The following SV2B variants were observed in gnomAD, a reference collection of about 807,000 sequenced individuals.
SV2B encodes solute carrier family 22 member B2.
A neutral mutation model predicts 73.9 loss-of-function variants in SV2B; 41 were observed. That is an observed-to-expected ratio of 0.56 (90% confidence interval 0.43 to 0.72). The LOEUF (loss-of-function observed/expected upper bound fraction) is 0.72, where lower values mean the gene tolerates loss of function less well. SV2B is among the 30% of genes least tolerant of loss of function. The pLI is 0.00. For synonymous variants in SV2B, 314 were observed against 314.2 expected (o/e 1.00, Z 0.01); for missense variants, 764 against 857.8 (o/e 0.89, Z 1.37).
intron 1 of SV2B, among the ~76,000 whole-genome samples, chr15:91,158,095 G>T (rs1180955137): frequency 6.6e-6 from 1 of 152,176 alleles, no homozygotes; most frequent in Non-Finnish European, 1.5e-5. Flanking sequence ...TTTGGATATG[G>T]TTCGTTGGTC....
chr15:91,212,720 G>A (rs1466685712), intron 1 of SV2B, among the ~76,000 whole-genome samples: 1 of 152,102 alleles, frequency 6.6e-6, no homozygotes, highest in Non-Finnish European at 1.5e-5. Context: ...TTGGGAGGCC[G>A]AGGTAGGAGA....
rs2048940458 is a variant in SV2B at position 91,288,636 on chromosome 15, T to TCTTC, written c.1709-882_1709-881insCCTT. On this transcript the variant is annotated intron_variant, in intron 11 of 12. Coordinates refer to ENST00000394232, the MANE Select transcript of SV2B (RefSeq NM_001323032.3). The surrounding 1 kb of genome is among the most constrained non-coding windows in gnomAD (Gnocchi z 5.8). The stretch of plus-strand genomic sequence containing the variant: ...CCTTCCTCTCTCTCTCTTTCTCTCT[T>TCTTC]CTTTCTTTCTCTCTCTCTCTCTCCT... 6.6e-6 allele frequency among the ~76,000 whole-genome samples: 1 copy of TCTTC among 151,874 alleles called. No homozygotes were observed. The highest frequency in any genetic ancestry group is 2.4e-5 in the African/African-American group (1 of 41,376).
At chr15:91,184,390 A>G (rs182163617) in intron 1 of SV2B, among the ~76,000 whole-genome samples, 4 of 152,318 alleles carry the variant, frequency 2.6e-5, no homozygotes, top group Non-Finnish European at 5.9e-5. Context: ...AATGTTATCT[A>G]TCAATACCTT....
intron 2 of SV2B, among the ~76,000 whole-genome samples, chr15:91,249,059 T>A (rs2047370116): frequency 9.1e-6 from 1 of 109,418 alleles, no homozygotes; most frequent in African/African-American, 3.6e-5. Flanking sequence ...CATCCATACA[T>A]CTACGTTTTC....
At chr15:91,178,635 C>T (rs2044421971) in intron 1 of SV2B, among the ~76,000 whole-genome samples, 2 of 151,712 alleles carry the variant, frequency 1.3e-5, no homozygotes, top group African/African-American at 2.4e-5. Context: ...GTGTGTGTGT[C>T]GAGAAATTTA....
At chr15:91,181,723 C>T (rs758757666) in intron 1 of SV2B, among the ~76,000 whole-genome samples, 4 of 151,842 alleles carry the variant, frequency 2.6e-5, no homozygotes, top group Non-Finnish European at 2.9e-5. Flanking sequence ...TGACAACCAT[C>T]ATGAGGCTGT....
intron 1 of SV2B, among the ~76,000 whole-genome samples, chr15:91,188,148 G>T (rs550383505): frequency 6.6e-6 from 1 of 151,868 alleles, no homozygotes; most frequent in South Asian, 2.1e-4. Context: ...TATACCAAGA[G>T]GTATAACTGG....
chr15:91,183,525 C>T (rs1374746621), intron 1 of SV2B, among the ~76,000 whole-genome samples: 1 of 152,180 alleles, frequency 6.6e-6, no homozygotes. Context: ...TGAGTCCAAA[C>T]TTTGAGACCT....
intron 1 of SV2B, among the ~76,000 whole-genome samples, chr15:91,222,118 G>A (rs954422118): frequency 7.2e-5 from 11 of 152,048 alleles, no homozygotes; most frequent in Non-Finnish European, 1.3e-4. Context: ...GCCTTTGGAC[G>A]TCCCCACTAC....
chr15:91,258,823 G>A lies in SV2B; in HGVS notation c.918+269G>A, dbSNP rs1262054040. Among the ~76,000 whole-genome samples the A allele has an allele frequency of 6.6e-6, 1 of 151,976 alleles. No homozygotes were observed. Among genetic ancestry groups the A allele is most frequent in the African/African-American group, 2.4e-5 (1 of 41,364 alleles). On this transcript the variant is annotated intron_variant, in intron 5 of 12. Coordinates refer to ENST00000394232, the MANE Select transcript of SV2B (RefSeq NM_001323032.3). The surrounding 1 kb of genome is among the most constrained non-coding windows in gnomAD (Gnocchi z 4.7). Reference sequence around the variant, plus strand: ...CTCTTTCCCAAGGCTGTGCAGTGGTGGAAGGGCAGCTCCTGAGCTGCCTCA... The same window carrying A: ...CTCTTTCCCAAGGCTGTGCAGTGGTAGAAGGGCAGCTCCTGAGCTGCCTCA...
rs780322972 is a variant in SV2B at position 91,284,248 on chromosome 15, G to C, written c.1708+27G>C. 6.2e-7 allele frequency: 1 copy of C among 1,612,530 alleles called. No homozygotes were observed. On this transcript the variant is annotated intron_variant, in intron 11 of 12. Transcript: ENST00000394232. The surrounding 1 kb of genome is among the most constrained non-coding windows in gnomAD (Gnocchi z 4.5). ...TGAGTTGCCAGCAGGGTCATTCCTG[G>C]GTTCCAACGCGCTGGGGTGGTGACT...
intron 1 of SV2B, among the ~76,000 whole-genome samples, chr15:91,192,687 A>G (rs561542110): frequency 5.9e-5 from 9 of 152,368 alleles, no homozygotes; most frequent in African/African-American, 2.2e-4. Context: ...AAGGCAGGTG[A>G]CATTTTCTTT....
intron 1 of SV2B, among the ~76,000 whole-genome samples, chr15:91,183,260 C>T (rs2044652570): frequency 6.6e-6 from 1 of 152,194 alleles, no homozygotes; most frequent in Non-Finnish European, 1.5e-5. Context: ...ATTAAATTAT[C>T]CACATAAATG....
At chr15:91,112,227 G>A (rs2042057020) in intron 1 of SV2B, among the ~76,000 whole-genome samples, 1 of 152,178 alleles carries the variant, frequency 6.6e-6, no homozygotes, top group African/African-American at 2.4e-5. Context: ...GGGTTTAAAT[G>A]TTGTCACCAG....
intron 1 of SV2B, among the ~76,000 whole-genome samples, chr15:91,184,052 G>A (rs959406214): frequency 1.7e-4 from 26 of 152,126 alleles, no homozygotes; most frequent in African/African-American, 6.3e-4. Context: ...TCTATGAAGT[G>A]CTTAGAACAG....
intron 1 of SV2B, among the ~76,000 whole-genome samples, chr15:91,142,478 A>G (rs1294312090): frequency 6.6e-6 from 1 of 152,246 alleles, no homozygotes. Flanking sequence ...AAATACAGGA[A>G]TGCTCATGTA....
At chr15:91,248,024 G>C (rs1409119186) in intron 2 of SV2B, among the ~76,000 whole-genome samples, 2 of 152,070 alleles carry the variant, frequency 1.3e-5, no homozygotes, top group Non-Finnish European at 2.9e-5. Context: ...GTGATATTTT[G>C]ATCCATGTGT....
intron 1 of SV2B, among the ~76,000 whole-genome samples, chr15:91,204,597 T>G (rs75594744): frequency 0.011 from 1,644 of 150,766 alleles, 27 homozygotes; most frequent in African/African-American, 0.037. Flanking sequence ...CATTCTGTTG[T>G]CTATACTAGA....
In SV2B at chr15:91,296,976, T is replaced by C. The variant is rs2049270843; in HGVS notation, c.*4424T>C. On this transcript the variant is annotated 3_prime_UTR_variant, in exon 13 of 13. Coordinates refer to ENST00000394232, the MANE Select transcript of SV2B (RefSeq NM_001323032.3). ...GCCCGATTGTTGGGAGCACGCTCCTTCTGCCCGATCGTTGGGCGCACGCTC... is the reference window on the plus strand; with the variant it reads ...GCCCGATTGTTGGGAGCACGCTCCTCCTGCCCGATCGTTGGGCGCACGCTC... 6.6e-6 allele frequency: 1 copy of C among 152,098 alleles called. No homozygotes were observed. Among genetic ancestry groups the C allele is most frequent in the African/African-American group, 2.5e-5 (1 of 40,520 alleles). 9.4% of individuals were successfully genotyped at this position (152,098 alleles called of 1,614,324 possible).
Sources: gnomAD v4.1 joint callset for allele counts (sites outside exome capture counted in the v4.1 genomes callset) on GRCh38, gnomAD v4.1.1 for gene constraint, Gnocchi (gnomAD v3.1) non-coding constraint, MANE v1.5 for transcripts, NCBI Gene and HGNC (gene_info 2026-07-23, HGNC 2026-07-21) for gene names.